Variants in RNF13 observed in about 807,000 individuals in gnomAD.
RNF13 encodes the protein ring finger protein 13.
A neutral mutation model predicts 37.7 loss-of-function variants in RNF13; 19 were observed. The ratio of observed to expected loss-of-function variants is 0.50; its 90% CI spans 0.35 to 0.74. RNF13 has a LOEUF of 0.74. Ranked by LOEUF, RNF13 falls within the 30% of genes least tolerant of loss-of-function variation. The pLI, the probability that RNF13 is intolerant of heterozygous loss-of-function variation, is 0.01. For synonymous variants in RNF13, 144 were observed against 157.8 expected, an observed-to-expected ratio of 0.91 and a Z score of 0.65; for missense variants, 375 against 453.0, an observed-to-expected ratio of 0.83 and a Z score of 1.56.
At chr3:149,901,733 G>GA (rs1715862956) in intron 5 of RNF13, among the ~76,000 whole-genome samples, 1 of 152,154 alleles carries the variant, frequency 6.6e-6, no homozygotes, top group Non-Finnish European at 1.5e-5. Context: ...TGTGTGGGAA[G>GA]AAAACCTAAA....
intron 4 of RNF13, among the ~76,000 whole-genome samples, chr3:149,892,122 A>T (rs1714776056): frequency 6.6e-6 from 1 of 152,152 alleles, no homozygotes; most frequent in Non-Finnish European, 1.5e-5. Flanking sequence ...TTTTTTGGAG[A>T]TCACACTTAT....
intron 3 of RNF13, among the ~76,000 whole-genome samples, chr3:149,860,102 A>G (rs1270151738): frequency 4.0e-5 from 6 of 151,356 alleles, no homozygotes; most frequent in Non-Finnish European, 8.8e-5. Context: ...CCCCATCTCT[A>G]CTAAAAATAC....
chr3:149,923,148 TAAAG>T (rs529268904), intron 8 of RNF13, among the ~76,000 whole-genome samples: 145 of 152,266 alleles, frequency 9.5e-4, no homozygotes, highest in African/African-American at 3.3e-3. Flanking sequence ...CATGTTAAAA[TAAAG>T]AAATGAATAG....
At chr3:149,876,423 A>G (rs1712702459) in intron 4 of RNF13, among the ~76,000 whole-genome samples, 1 of 152,158 alleles carries the variant, frequency 6.6e-6, no homozygotes. Flanking sequence ...TGTAGATGAT[A>G]AGGAATATGT....
chr3:149,952,045 A>G (rs932097166), intron 8 of RNF13, among the ~76,000 whole-genome samples: 1 of 152,000 alleles, frequency 6.6e-6, no homozygotes, highest in Admixed American at 6.6e-5. Context: ...CTCCTCTTCA[A>G]CTCACTATGT....
At chr3:149,860,270 A>AAAAATATATATATATAT (rs1302318768) in intron 3 of RNF13, among the ~76,000 whole-genome samples, 1 of 104,096 alleles carries the variant, frequency 9.6e-6, no homozygotes, top group African/African-American at 4.2e-5. Context: ...AAAAAAAAAA[A>AAAAATATATATATATAT]ATATATATAT....
At chr3:149,910,441 G>A (rs1446520942) in intron 6 of RNF13, among the ~76,000 whole-genome samples, 2 of 152,052 alleles carry the variant, frequency 1.3e-5, no homozygotes, top group African/African-American at 4.8e-5. Context: ...AAATTATTGG[G>A]GTAAATTCCT....
chr3:149,916,458 C>T (rs572290086), intron 7 of RNF13, among the ~76,000 whole-genome samples: 3 of 152,172 alleles, frequency 2.0e-5, no homozygotes, highest in East Asian at 3.9e-4. Flanking sequence ...AACTAGGCAC[C>T]GTTCAAGGGT....
At chr3:149,934,688 T>C (rs1719503643) in intron 8 of RNF13, among the ~76,000 whole-genome samples, 1 of 151,926 alleles carries the variant, frequency 6.6e-6, no homozygotes, top group Non-Finnish European at 1.5e-5. Context: ...AGTGTCTCAC[T>C]CTTTGGCTCA....
chr3:149,920,955 A>G (rs1026187778), intron 7 of RNF13, among the ~76,000 whole-genome samples, 179 bp from the exon 8 acceptor site: 16 of 152,186 alleles, frequency 1.1e-4, no homozygotes, highest in African/African-American at 3.9e-4. Context: ...TTCATGGGTT[A>G]ACTAATCACT....
intron 8 of RNF13, among the ~76,000 whole-genome samples, chr3:149,950,848 A>G (rs1721256980): frequency 6.6e-6 from 1 of 152,000 alleles, no homozygotes; most frequent in Non-Finnish European, 1.5e-5. Flanking sequence ...CTTTTCCCAG[A>G]ATTAGGTGGG....
At chr3:149,954,351 T>A (rs1721647839) in intron 8 of RNF13, among the ~76,000 whole-genome samples, 1 of 152,102 alleles carries the variant, frequency 6.6e-6, no homozygotes, top group African/African-American at 2.4e-5. Context: ...CCTATAGGCT[T>A]AGAATGTAGT....
intron 1 of RNF13, among the ~76,000 whole-genome samples, chr3:149,829,739 T>G (rs1389448838): frequency 6.6e-6 from 1 of 152,260 alleles, no homozygotes; most frequent in African/African-American, 2.4e-5. Context: ...TTTAAAAGCG[T>G]TAAAAAACTA....
intron 8 of RNF13, among the ~76,000 whole-genome samples, chr3:149,923,339 C>T (rs60342925): frequency 6.6e-6 from 1 of 152,164 alleles, no homozygotes; most frequent in South Asian, 2.1e-4. Context: ...ATCATCCCAC[C>T]TCAGCTTCTC....
intron 4 of RNF13, among the ~76,000 whole-genome samples, chr3:149,892,496 G>T (rs1714815527): frequency 6.6e-6 from 1 of 152,154 alleles, no homozygotes; most frequent in South Asian, 2.1e-4. Context: ...ACCTGTTGGG[G>T]AATTGGGATA....
At chr3:149,871,838 T>C (rs907043317) in intron 3 of RNF13, among the ~76,000 whole-genome samples, 191 bp from the exon 4 acceptor site, 1 of 152,198 alleles carries the variant, frequency 6.6e-6, no homozygotes, top group Non-Finnish European at 1.5e-5. Context: ...ATAGAACTTA[T>C]TTTAGAAAAC....
intron 4 of RNF13, among the ~76,000 whole-genome samples, chr3:149,878,721 A>G (rs1215226684): frequency 6.6e-6 from 1 of 152,174 alleles, no homozygotes; most frequent in Non-Finnish European, 1.5e-5. Context: ...GATCATAGCT[A>G]GGTTTTGAGA....
intron 3 of RNF13, among the ~76,000 whole-genome samples, chr3:149,865,329 G>GATATATATATATATATATATAT (rs3028509): frequency 4.3e-5 from 6 of 139,118 alleles, no homozygotes; most frequent in African/African-American, 1.0e-4. Context: ...ATGTTTTGGT[G>GATATATATATATATATATATAT]ATATATATAT....
intron 4 of RNF13, among the ~76,000 whole-genome samples, chr3:149,878,870 C>G (rs779996727): frequency 1.3e-5 from 2 of 152,070 alleles, no homozygotes; most frequent in African/African-American, 2.4e-5. Flanking sequence ...ATTTACTGTT[C>G]CTTTGTGGCT....
Sources: gnomAD v4.1 joint callset for allele counts (sites outside exome capture counted in the v4.1 genomes callset) on GRCh38, gnomAD v4.1.1 for gene constraint, MANE v1.5 for transcripts, NCBI Gene and HGNC (gene_info 2026-07-23, HGNC 2026-07-21) for gene names.